GRM8: variants seen among roughly 807,000 people sequenced by gnomAD.
The protein encoded by GRM8 is metabotropic glutamate receptor 8.
GRM8 carries 47 observed loss-of-function variants against 87.2 expected under a neutral mutation model. That is an observed-to-expected ratio of 0.54 (90% CI 0.43 to 0.69). The LOEUF is 0.69. Among genes scored for constraint, GRM8 ranks in the 30% least tolerant of loss-of-function variants. GRM8 has a pLI of 0.00. For synonymous variants in GRM8, 396 were observed against 404.5 expected (o/e 0.98, Z 0.25); for missense variants, 1,019 against 1,139.2 (o/e 0.89, Z 1.52).
intron 6 of GRM8, among the ~76,000 whole-genome samples, chr7:126,879,301 C>A (rs1177134623): frequency 1.3e-5 from 2 of 152,172 alleles, no homozygotes; most frequent in South Asian, 4.1e-4. Context: ...ATATTTCAAT[C>A]TTTATCATAT....
At chr7:126,904,922 G>C (rs1217678494) in intron 3 of GRM8, among the ~76,000 whole-genome samples, 3 of 152,102 alleles carry the variant, frequency 2.0e-5, no homozygotes, top group African/African-American at 7.2e-5. Context: ...TATTTTTGTG[G>C]ATATAGCTAA....
chr7:126,535,767 G>A (rs1381535643), intron 8 of GRM8, among the ~76,000 whole-genome samples: 1 of 152,084 alleles, frequency 6.6e-6, no homozygotes, highest in Non-Finnish European at 1.5e-5. Flanking sequence ...CACCTCCAGA[G>A]CCAAGTCCCT....
chr7:126,486,003 C>T (rs1354563137), intron 9 of GRM8, among the ~76,000 whole-genome samples: 1 of 151,974 alleles, frequency 6.6e-6, no homozygotes, highest in Non-Finnish European at 1.5e-5. Flanking sequence ...GAAGAATAAA[C>T]TCTATTATAA....
chr7:127,191,527 G>A (rs1795028985), intron 2 of GRM8, among the ~76,000 whole-genome samples: 1 of 152,128 alleles, frequency 6.6e-6, no homozygotes, highest in Admixed American at 6.5e-5. Flanking sequence ...CTATCTGCTA[G>A]TGACTATCAC....
intron 2 of GRM8, among the ~76,000 whole-genome samples, chr7:127,172,902 T>C (rs1046601348): frequency 1.3e-5 from 2 of 152,220 alleles, no homozygotes; most frequent in African/African-American, 4.8e-5. Context: ...TCTTTGACTT[T>C]CTTACTTTTT....
At chr7:126,888,401 G>A (rs2021162) in intron 6 of GRM8, among the ~76,000 whole-genome samples, 117,966 of 152,036 alleles carry the variant, frequency 0.78, 46,182 homozygotes, top group East Asian at 0.97. Context: ...CTGAATCAGA[G>A]AAACCGAAAT....
chr7:126,555,839 C>T (rs1793079559), intron 8 of GRM8, among the ~76,000 whole-genome samples: 1 of 152,148 alleles, frequency 6.6e-6, no homozygotes. Flanking sequence ...TTGAACCACA[C>T]ATTTGAATAT....
chr7:126,446,021 G>T, intron 10 of GRM8, 105 bp downstream of exon 10: 1 of 1,357,914 alleles, frequency 7.4e-7, no homozygotes. Context: ...TCATGCCCCT[G>T]GAAACATGTA....
At chr7:126,785,160 CT>C (rs1820494467) in intron 6 of GRM8, among the ~76,000 whole-genome samples, 1 of 152,114 alleles carries the variant, frequency 6.6e-6, no homozygotes, top group African/African-American at 2.4e-5. Context: ...GTAACTAAGA[CT>C]ATAGGTGAAT....
intron 2 of GRM8, among the ~76,000 whole-genome samples, chr7:127,215,808 C>T (rs572962692): frequency 3.9e-5 from 6 of 152,202 alleles, no homozygotes; most frequent in East Asian, 3.9e-4. Flanking sequence ...TAAAAGCTAG[C>T]GAGGCAGTCA....
intron 3 of GRM8, among the ~76,000 whole-genome samples, chr7:126,959,665 T>C (rs947617861): frequency 6.6e-6 from 1 of 152,190 alleles, no homozygotes; most frequent in African/African-American, 2.4e-5. Flanking sequence ...TACTTAATTA[T>C]TTGCACACAT....
chr7:126,920,620 ATCTCTAAAGTCCCT>A (rs1804420075), intron 3 of GRM8, among the ~76,000 whole-genome samples: 1 of 152,026 alleles, frequency 6.6e-6, no homozygotes, highest in Non-Finnish European at 1.5e-5. Flanking sequence ...TTGGTTGAAA[ATCTCTAAAGTCCCT>A]TCCCTCAACT....
At chr7:127,237,498 T>A (rs898706454) in intron 2 of GRM8, among the ~76,000 whole-genome samples, 1 of 152,200 alleles carries the variant, frequency 6.6e-6, no homozygotes, top group Non-Finnish European at 1.5e-5. Context: ...TGGAAGAAAA[T>A]ATATCTTCAT....
intron 7 of GRM8, among the ~76,000 whole-genome samples, chr7:126,733,692 G>C (rs944592541): frequency 1.4e-4 from 22 of 152,058 alleles, no homozygotes; most frequent in Middle Eastern, 3.4e-3. Context: ...CATGTTGATA[G>C]GTGACAAGGC....
At chr7:126,536,564 A>AT (rs1421953349) in intron 8 of GRM8, among the ~76,000 whole-genome samples, 1 of 152,168 alleles carries the variant, frequency 6.6e-6, no homozygotes, top group African/African-American at 2.4e-5. Flanking sequence ...TTAATGACTT[A>AT]AAAATATTAT....
At chr7:127,115,893 G>A (rs1384893881) in intron 2 of GRM8, among the ~76,000 whole-genome samples, 1 of 152,130 alleles carries the variant, frequency 6.6e-6, no homozygotes, top group Admixed American at 6.5e-5. Context: ...GAGGCTGTAG[G>A]ATCCCTTAAG....
At chr7:127,085,900 A>AT (rs1249532857) in intron 3 of GRM8, among the ~76,000 whole-genome samples, 9 of 152,160 alleles carry the variant, frequency 5.9e-5, no homozygotes, top group African/African-American at 1.9e-4. Flanking sequence ...CCTGAATGGT[A>AT]TTGCCTAGGT....
At chr7:126,780,402 G>C (rs564854152) in intron 6 of GRM8, among the ~76,000 whole-genome samples, 4 of 152,164 alleles carry the variant, frequency 2.6e-5, no homozygotes, top group Non-Finnish European at 5.9e-5. Context: ...AGTCAGAAGA[G>C]TGTTGAAAAG....
intron 3 of GRM8, among the ~76,000 whole-genome samples, chr7:127,035,840 C>A (rs899347349): frequency 6.6e-6 from 1 of 152,122 alleles, no homozygotes; most frequent in African/African-American, 2.4e-5. Flanking sequence ...TCTCAGATGG[C>A]TTTTTTCACT....
Sources: allele counts gnomAD v4.1 joint callset (sites outside exome capture counted in the v4.1 genomes callset), GRCh38; gene constraint gnomAD v4.1.1; transcripts MANE v1.5; gene names NCBI Gene and HGNC (gene_info 2026-07-23, HGNC 2026-07-21).